EPRS1: variants seen among roughly 807,000 people sequenced by gnomAD.
The protein encoded by EPRS1 is bifunctional glutamate/proline--tRNA ligase.
EPRS1 carries 107 observed loss-of-function variants against 188.3 expected under a neutral mutation model. The ratio of observed to expected loss-of-function variants is 0.57; its 90% CI spans 0.49 to 0.67. The LOEUF is 0.67. Ranked by LOEUF, EPRS1 falls within the 30% of genes least tolerant of loss-of-function variation. EPRS1 has a pLI of 0.00. For missense variants in EPRS1, 1,577 were observed against 1,802.2 expected (o/e 0.88, Z 2.26); for synonymous variants, 596 against 593.1 (o/e 1.00, Z -0.07).
At chr1:219,986,092 T>C (rs892853622) in intron 20 of EPRS1, among the ~76,000 whole-genome samples, 20 of 152,216 alleles carry the variant, frequency 1.3e-4, no homozygotes, top group African/African-American at 4.8e-4. Flanking sequence ...AGAGACATTG[T>C]GTATATGACA....
intron 4 of EPRS1, among the ~76,000 whole-genome samples, chr1:220,033,098 C>T (rs1332528646): frequency 6.6e-6 from 1 of 151,922 alleles, no homozygotes; most frequent in African/African-American, 2.4e-5. Context: ...CCACATCATC[C>T]CACTACTCCC....
rs116426251 is a variant in EPRS1, at chr1:219,985,514, C to T, written c.3039-1257G>A. Among the ~76,000 whole-genome samples, 834 of 152,096 alleles carry T rather than the reference C, an allele frequency of 5.5e-3. 10 individuals carry two copies. The highest frequency in any genetic ancestry group is 0.019 in the African/African-American group (809 of 41,498). ...TTTAAGCGATTCTCGTGCCTCAGCC[C>T]CCCTCCCCCACCCAAGTAGCTGGGA... On this transcript the variant is annotated intron_variant, in intron 20 of 31. Transcript: ENST00000366923.
intron 14 of EPRS1, among the ~76,000 whole-genome samples, chr1:220,006,995 A>T (rs1661501096): frequency 6.6e-6 from 1 of 152,202 alleles, no homozygotes; most frequent in African/African-American, 2.4e-5. Context: ...CAACACCACA[A>T]ATAAAAGACA....
intron 6 of EPRS1, among the ~76,000 whole-genome samples, chr1:220,028,953 G>A (rs369966393): frequency 1.9e-4 from 29 of 152,206 alleles, no homozygotes; most frequent in Admixed American, 3.9e-4. Context: ...TCTCATGAGC[G>A]TAGTCTCTGA....
In EPRS1 at chr1:219,997,042, CATA is replaced by C; in HGVS notation, c.2479_2481del (p.Tyr827del). On this transcript the variant is annotated inframe_deletion, in exon 18 of 32. Transcript: ENST00000366923. ...ACCTCCCCTTGTGCAGCAACTTCAT[CATA>C]CAGAGATTTACTTTCCAGAATACTT... is the stretch of plus-strand genomic sequence containing the variant. The C allele has an allele frequency of 6.2e-7, 1 of 1,613,396 alleles. No homozygotes were observed. The highest frequency in any genetic ancestry group is 8.5e-7 in the Non-Finnish European group (1 of 1,179,806).
chr1:219,973,176 T>C, intron 29 of EPRS1, 62 bp downstream of exon 29: 1 of 1,455,934 alleles, frequency 6.9e-7, no homozygotes, highest in Non-Finnish European at 9.4e-7. Context: ...AATTCCTTGG[T>C]AAAGATCTCA....
chr1:220,005,227 C>T (rs975235701), intron 16 of EPRS1, 21 bp downstream of exon 16: 7 of 1,085,002 alleles, frequency 6.5e-6, no homozygotes, highest in Admixed American at 2.4e-5. Context: ...TTCATTTAGA[C>T]GTTCAGTTAC....
chr1:219,989,514 T>C (rs1009292065), intron 18 of EPRS1, among the ~76,000 whole-genome samples: 4 of 151,578 alleles, frequency 2.6e-5, no homozygotes, highest in Admixed American at 6.6e-5. Context: ...CACTGGGAAC[T>C]TGGAGGTATC....
chr1:219,977,224 C>T (rs1660797768), intron 28 of EPRS1, among the ~76,000 whole-genome samples: 1 of 152,110 alleles, frequency 6.6e-6, no homozygotes, highest in African/African-American at 2.4e-5. Flanking sequence ...AGATAGTGAA[C>T]TCTCTTTCTC....
chr1:220,019,354 T>C (rs1036634375), intron 10 of EPRS1, among the ~76,000 whole-genome samples: 4 of 152,178 alleles, frequency 2.6e-5, no homozygotes, highest in African/African-American at 9.7e-5. Context: ...TTTTCAAATA[T>C]GGAAATCCCA....
rs759854466 is a variant in EPRS1, at chr1:220,025,254, AGT to A, written c.626_627del (p.Tyr209PhefsTer18). The A allele has an allele frequency of 6.3e-7, 1 of 1,591,080 alleles. No homozygotes were observed. Among genetic ancestry groups the A allele is most frequent in the Non-Finnish European group, 8.5e-7 (1 of 1,172,270 alleles). ...TVRFPPEASG[Y>X]LHIGHAKAAL... is the part of the protein sequence containing the mutation. ...GCAGCTTTTGCATGCCCAATGTGTA[AGT>A]AACTAAAACAAAAACATTTCACAAA... On this transcript the variant is annotated frameshift_variant and splice_region_variant, in exon 7 of 32. Transcript: ENST00000366923. LOFTEE classifies it high-confidence loss of function.
At chr1:220,031,111 A>G (rs928609620) in intron 5 of EPRS1, among the ~76,000 whole-genome samples, 1 of 150,570 alleles carries the variant, frequency 6.6e-6, no homozygotes, top group African/African-American at 2.4e-5. Context: ...AAAAAAGTAT[A>G]TGGGGTATTC....
In EPRS1 at chr1:220,024,254, T is replaced by C. The variant is rs1189306204; in HGVS notation, c.943+10A>G. 1.3e-6 allele frequency: 2 copies of C among 1,530,306 alleles called. No individual in the cohort carries two copies. Among genetic ancestry groups the C allele is most frequent in the Non-Finnish European group, 1.8e-6 (2 of 1,134,852 alleles). 94.8% of individuals were successfully genotyped at this position (1,530,306 alleles called of 1,614,324 possible). On this transcript the variant is annotated intron_variant, in intron 8 of 31. Coordinates refer to ENST00000366923, the MANE Select transcript of EPRS1 (RefSeq NM_004446.3). ...GAATATCAATTAAAATATAAAACAA[T>C]GTGGCTTACGGTTTTTTCTATGTTT...
At chr1:220,011,675 T>C (rs933533304) in intron 12 of EPRS1, among the ~76,000 whole-genome samples, 5 of 152,258 alleles carry the variant, frequency 3.3e-5, no homozygotes, top group African/African-American at 7.2e-5. Flanking sequence ...CTGTCTCATA[T>C]AGGTAATCAA....
chr1:220,020,025 G>A lies in EPRS1; in HGVS notation c.1312C>T (p.Leu438Phe). 1 of 1,613,804 alleles carries A rather than the reference G, an allele frequency of 6.2e-7. No homozygotes were observed. The highest frequency in any genetic ancestry group is 8.5e-7 in the Non-Finnish European group (1 of 1,179,788). The change falls in exon 10 of 32, where the codon CTC becomes TTC. Residue 438 changes from leucine to phenylalanine, a missense_variant. Around this residue, in one of 3 missense-constraint regions of EPRS1, gnomAD observed 1,278 missense variants for 1,457.4 expected, o/e 0.88. Coordinates refer to ENST00000366923, the MANE Select transcript of EPRS1 (RefSeq NM_004446.3). ...LNNTVLSKRKLTWFVNEGLVD... is the reference protein window; with the variant it reads ...LNNTVLSKRKFTWFVNEGLVD... The stretch of plus-strand genomic sequence containing the variant: ...AGTCCTTCATTGACAAACCATGTGA[G>A]TTTTCTTTTGGATAGCACTGTGTTG...
chr1:219,997,011 C>A lies in EPRS1; in HGVS notation c.2513G>T (p.Arg838Leu), dbSNP rs542576870. The stretch of plus-strand genomic sequence containing the variant: ...AGGGGATTTTTCAGCTTTTAGCTTA[C>A]GAACCACCTCCCCTTGTGCAGCAAC... ...DEVAAQGEVV[R>L]KLKAEKSPKA... The change falls in exon 18 of 32, where the codon CGT (arginine) becomes CTT (leucine). Residue 838 changes from arginine (R) to leucine (L), a missense_variant. Arg to Leu is a moderately radical substitution (Grantham distance 102). Transcript: ENST00000366923. 6.2e-7 allele frequency: 1 copy of A among 1,605,804 alleles called. No homozygotes were observed. The highest frequency in any genetic ancestry group is 1.3e-5 in the African/African-American group (1 of 74,612).
intron 7 of EPRS1, 57 bp downstream of exon 7, chr1:220,025,075 A>G: frequency 1.3e-6 from 2 of 1,523,206 alleles, no homozygotes; most frequent in Non-Finnish European, 1.8e-6. Context: ...GTATTAGGTA[A>G]TCCTGTAACT....
intron 28 of EPRS1, 126 bp from the exon 29 acceptor site, chr1:219,973,524 A>AAACAAC: frequency 4.2e-6 from 2 of 474,030 alleles, no homozygotes; most frequent in Non-Finnish European, 3.2e-6. Context: ...AGCCAAAAAA[A>AAACAAC]ACAAGAGAAA....
chr1:219,994,952 T>C (rs1324139351), intron 18 of EPRS1, among the ~76,000 whole-genome samples: 1 of 152,132 alleles, frequency 6.6e-6, no homozygotes, highest in Non-Finnish European at 1.5e-5. Context: ...GCACCTGGCC[T>C]ACTTAATTTC....
Sources: gnomAD v4.1 joint callset for allele counts (sites outside exome capture counted in the v4.1 genomes callset) on GRCh38, gnomAD v4.1.1 for gene constraint, gnomAD v4.1.1 regional missense constraint, MANE v1.5 for transcripts, NCBI Gene and HGNC (gene_info 2026-07-23, HGNC 2026-07-21) for gene names.